The following L3MBTL3 variants were observed in gnomAD, a reference collection of about 807,000 sequenced individuals.
The protein encoded by L3MBTL3 is L3MBTL histone methyl-lysine binding protein 3, also known as lethal(3)malignant brain tumor-like protein 3.
A neutral mutation model predicts 102.3 loss-of-function variants in L3MBTL3; 27 were observed. The ratio of observed to expected loss-of-function variants is 0.26; its 90% CI spans 0.19 to 0.36. The LOEUF (loss-of-function observed/expected upper bound fraction) is 0.36, where lower values mean the gene tolerates loss of function less well. L3MBTL3 is among the 10% of genes least tolerant of loss of function. The pLI is 1.00. For missense variants in L3MBTL3, 798 were observed against 955.3 expected (o/e 0.84, Z 2.17); for synonymous variants, 340 against 320.9 (o/e 1.06, Z -0.64).
chr6:130,019,961 CGGGCGT>C (rs1170634735), intron 1 of L3MBTL3, among the ~76,000 whole-genome samples: 3 of 104,882 alleles, frequency 2.9e-5, no homozygotes, highest in South Asian at 6.8e-4. Context: ...GGCGCGGGCG[CGGGCGT>C]GTGTCGGGAG....
chr6:130,112,842 A>G (rs972400459), intron 19 of L3MBTL3, among the ~76,000 whole-genome samples: 3 of 152,168 alleles, frequency 2.0e-5, no homozygotes, highest in African/African-American at 4.8e-5. Flanking sequence ...CGTGGTCCTT[A>G]TAGACAGAAA....
At chr6:130,137,000 A>C (rs958950151) in intron 22 of L3MBTL3, among the ~76,000 whole-genome samples, 1 of 152,054 alleles carries the variant, frequency 6.6e-6, no homozygotes, top group South Asian at 2.1e-4. Context: ...CACTTCTAGA[A>C]TGTAAATTCC....
At chr6:130,101,144 A>G (rs1784661774) in intron 18 of L3MBTL3, among the ~76,000 whole-genome samples, 1 of 152,196 alleles carries the variant, frequency 6.6e-6, no homozygotes, top group Non-Finnish European at 1.5e-5. Flanking sequence ...AATATAAGGA[A>G]CAAATAATAG....
At chr6:130,041,844 G>A (rs145669842) in intron 2 of L3MBTL3, among the ~76,000 whole-genome samples, 4 of 152,164 alleles carry the variant, frequency 2.6e-5, no homozygotes, top group African/African-American at 9.7e-5. Context: ...TCTATGGGGA[G>A]AATTGTGAGA....
chr6:130,137,884 A>G (rs1010548437), intron 22 of L3MBTL3: 8 of 152,258 alleles, frequency 5.3e-5, no homozygotes, highest in African/African-American at 1.9e-4. Context: ...GAGGACTGTC[A>G]TAGCACAAGC....
intron 20 of L3MBTL3, among the ~76,000 whole-genome samples, chr6:130,130,030 A>C (rs1786898706): frequency 6.6e-6 from 1 of 152,218 alleles, no homozygotes. Context: ...TCAGTTAGCG[A>C]GGAAGACTCA....
At chr6:130,027,612 G>A (rs1422989420) in intron 2 of L3MBTL3, among the ~76,000 whole-genome samples, 3 of 151,994 alleles carry the variant, frequency 2.0e-5, no homozygotes, top group African/African-American at 7.3e-5. Context: ...AGACTTCTGT[G>A]AAAGAAAAAT....
chr6:130,086,537 T>TA (rs1366337363), intron 16 of L3MBTL3, among the ~76,000 whole-genome samples: 8 of 152,346 alleles, frequency 5.3e-5, no homozygotes, highest in African/African-American at 1.9e-4. Context: ...GAAGAAAAGA[T>TA]ACTTCATTCT....
chr6:130,031,175 A>G (rs779010728), intron 2 of L3MBTL3, among the ~76,000 whole-genome samples: 2 of 152,128 alleles, frequency 1.3e-5, no homozygotes, highest in Non-Finnish European at 2.9e-5. Context: ...TCAAGTCTGG[A>G]CTTAAAGGAC....
At chr6:130,029,193 C>T (rs1184549772) in intron 2 of L3MBTL3, among the ~76,000 whole-genome samples, 3 of 152,198 alleles carry the variant, frequency 2.0e-5, no homozygotes, top group Admixed American at 2.0e-4. Context: ...GTCCTCCCAG[C>T]CCCACTTATG....
chr6:130,099,909 A>G (rs1784580913), intron 18 of L3MBTL3, among the ~76,000 whole-genome samples: 3 of 152,336 alleles, frequency 2.0e-5, no homozygotes, highest in South Asian at 2.1e-4. Context: ...TAAGCACACA[A>G]TCCATGTTAG....
intron 1 of L3MBTL3, chr6:130,019,358 C>A (rs1387025019): frequency 6.8e-6 from 1 of 146,464 alleles, no homozygotes; most frequent in Non-Finnish European, 1.5e-5. Context: ...CGGCGGGAGG[C>A]GCGAGCCCCG....
rs144336219 is a variant in L3MBTL3 at position 130,075,770 on chromosome 6, T to C, written c.1245-2788T>C. Among the ~76,000 whole-genome samples, 1,008 of 152,028 alleles carry C rather than the reference T, an allele frequency of 6.6e-3. 6 individuals are homozygous for C. The highest frequency in any genetic ancestry group is 1.0e-2 in the Non-Finnish European group (676 of 67,938). ...TGGAGATTTCTGAAACTATGGGTAA[T>C]ACAGGTGGCACCAAGTCTCCTAGGA... On this transcript the variant is annotated intron_variant, in intron 13 of 22. Coordinates refer to ENST00000361794, the MANE Select transcript of L3MBTL3 (RefSeq NM_032438.4).
chr6:130,096,124 C>T (rs536669109), intron 18 of L3MBTL3, among the ~76,000 whole-genome samples: 50 of 152,192 alleles, frequency 3.3e-4, no homozygotes, highest in African/African-American at 1.1e-3. Flanking sequence ...TTTTTCCCCA[C>T]GTTTTGGTGA....
chr6:130,066,939 T>G (rs1352179201), intron 11 of L3MBTL3, among the ~76,000 whole-genome samples: 1 of 152,206 alleles, frequency 6.6e-6, no homozygotes, highest in African/African-American at 2.4e-5. Context: ...TTTAGGAGAT[T>G]GGCAAGAAGA....
At chr6:130,074,247 TAGTTGCAATAAA>T in intron 13 of L3MBTL3, among the ~76,000 whole-genome samples, 1 of 152,334 alleles carries the variant, frequency 6.6e-6, no homozygotes, top group South Asian at 2.1e-4. Flanking sequence ...ACTACATGTT[TAGTTGCAATAAA>T]ACATTTCTAA....
chr6:130,119,069 C>G (rs550262093), intron 19 of L3MBTL3, among the ~76,000 whole-genome samples: 65 of 152,126 alleles, frequency 4.3e-4, no homozygotes, highest in Middle Eastern at 3.4e-3. Flanking sequence ...AGGGTAACTG[C>G]TGATTATTGG....
chr6:130,072,577 T>C (rs910360364), intron 13 of L3MBTL3, among the ~76,000 whole-genome samples: 1 of 152,182 alleles, frequency 6.6e-6, no homozygotes, highest in Non-Finnish European at 1.5e-5. Context: ...TTCTAACATA[T>C]ACAAAAGTAG....
chr6:130,124,070 T>C (rs1786430051), intron 20 of L3MBTL3, among the ~76,000 whole-genome samples: 1 of 152,144 alleles, frequency 6.6e-6, no homozygotes, highest in Non-Finnish European at 1.5e-5. Context: ...TGTGATGTAG[T>C]TATAGCAGAG....
Sources: gnomAD v4.1 joint callset for allele counts (sites outside exome capture counted in the v4.1 genomes callset) on GRCh38, gnomAD v4.1.1 for gene constraint, MANE v1.5 for transcripts, NCBI Gene and HGNC (gene_info 2026-07-23, HGNC 2026-07-21) for gene names.